Variants in GTF2A1 observed in about 807,000 individuals in gnomAD.
GTF2A1 encodes the protein transcription initiation factor IIA subunit 1.
A neutral mutation model predicts 54.1 loss-of-function variants in GTF2A1; 12 were observed. The ratio of observed to expected loss-of-function variants is 0.22; its 90% CI spans 0.14 to 0.36. GTF2A1 has a LOEUF of 0.36. GTF2A1 is among the 10% of genes least tolerant of loss of function. The pLI is 1.00. For missense variants in GTF2A1, 335 were observed against 442.2 expected, an observed-to-expected ratio of 0.76 and a Z score of 2.17; for synonymous variants, 145 against 152.0, an observed-to-expected ratio of 0.95 and a Z score of 0.34.
In GTF2A1 at chr14:81,220,932, A is replaced by ACCGCCG. The variant is rs3040313; in HGVS notation, c.-420_-415dup. On this transcript the variant is annotated 5_prime_UTR_variant, in exon 1 of 9. Coordinates refer to ENST00000553612, the MANE Select transcript of GTF2A1 (RefSeq NM_015859.4). ...GAGCCAACAAGCTGCGCGAGCCACCACCGCCGCCGCCGCCGCCGCCGAGAG... is the reference window on the plus strand; with the variant it reads ...GAGCCAACAAGCTGCGCGAGCCACCACCGCCGCCGCCGCCGCCGCCGCCGCCGAGAG... The ACCGCCG allele has an allele frequency of 1.7e-3, 279 of 164,424 alleles. 9 individuals are homozygous for ACCGCCG. Among genetic ancestry groups the ACCGCCG allele is most frequent in the South Asian group, 7.3e-3 (47 of 6,418 alleles). The allele number at this position is 164,424 out of a possible 1,614,324, so 10.2% of individuals were successfully genotyped here.
At chr14:81,220,396 G>C (rs1250729070) in intron 1 of GTF2A1, 93 bp downstream of exon 1, 7 of 824,802 alleles carry the variant, frequency 8.5e-6, no homozygotes, top group Admixed American at 2.9e-5. Context: ...GAAGAGTCGA[G>C]GCCGGGAGTC....
chr14:81,203,833 T>C, intron 3 of GTF2A1, 67 bp downstream of exon 3: 1 of 1,352,590 alleles, frequency 7.4e-7, no homozygotes, highest in South Asian at 1.2e-5. Flanking sequence ...ATGCAGAATA[T>C]TTCTCTTCTT....
rs543048166 is a variant in GTF2A1, at chr14:81,204,329, CTTTT to C, written c.133-229_133-226del. 4.3e-4 allele frequency: 287 copies of C among 669,462 alleles called. 1 individual carries two copies. The African/African-American group carries it at 4.4e-3, about 10-fold the overall frequency. 41.5% of individuals were successfully genotyped at this position (669,462 alleles called of 1,614,324 possible). A position where few individuals can be genotyped will look rare whatever the true frequency, so the allele number is the denominator to read the frequency against. ...CATCAGAGTACTGAAGATTTTGTTT[CTTTT>C]TTTTATCTTCCAATGAACTTTCTAT... On this transcript the variant is annotated intron_variant, in intron 2 of 8. Transcript: ENST00000553612.
intron 5 of GTF2A1, 63 bp downstream of exon 5, chr14:81,197,346 T>A: frequency 1.3e-6 from 1 of 790,232 alleles, no homozygotes; most frequent in East Asian, 2.8e-5. Context: ...AGACAAAACC[T>A]AAGGGCTAGA....
intron 7 of GTF2A1, among the ~76,000 whole-genome samples, chr14:81,185,889 A>T (rs1892733406): frequency 6.6e-6 from 1 of 152,204 alleles, no homozygotes; most frequent in South Asian, 2.1e-4. Flanking sequence ...TTTGAGACAC[A>T]GTCTCGCTCT....
Position 81,177,864 on chromosome 14 carries a change from A to C in GTF2A1, c.*2359T>G, listed in dbSNP as rs903113233. The C allele has an allele frequency of 1.3e-5, 2 of 152,192 alleles. No homozygotes were observed. The highest frequency in any genetic ancestry group is 2.9e-5 in the Non-Finnish European group (2 of 67,992). 9.4% of individuals were successfully genotyped at this position (152,192 alleles called of 1,614,324 possible). A position where few individuals can be genotyped will look rare whatever the true frequency, so the allele number is the denominator to read the frequency against. On this transcript the variant is annotated 3_prime_UTR_variant, in exon 9 of 9. Coordinates refer to ENST00000553612, the MANE Select transcript of GTF2A1 (RefSeq NM_015859.4). ...ACTAAAACATGCTATTTGATTAAAA[A>C]GGACACGATGCAAATAATATATAAG...
intron 7 of GTF2A1, among the ~76,000 whole-genome samples, chr14:81,185,961 T>C (rs1398299126): frequency 6.6e-6 from 1 of 152,234 alleles, no homozygotes; most frequent in Non-Finnish European, 1.5e-5. Flanking sequence ...CGAGCAATTC[T>C]CCTGCCTCAG....
intron 8 of GTF2A1, among the ~76,000 whole-genome samples, chr14:81,183,225 T>A (rs563320161): frequency 6.6e-6 from 1 of 152,262 alleles, no homozygotes; most frequent in South Asian, 2.1e-4. Context: ...CTGTTGCACA[T>A]GAAAAGAGCT....
Position 81,179,495 on chromosome 14 carries a change from G to A in GTF2A1, c.*728C>T, listed in dbSNP as rs556317140. On this transcript the variant is annotated 3_prime_UTR_variant, in exon 9 of 9. Coordinates refer to ENST00000553612, the MANE Select transcript of GTF2A1 (RefSeq NM_015859.4). ...GTTTTTCTGTAAGGAAATTAAAGTTGTGGTTTCAATTCCACTGAACTCAGA... is the reference window on the plus strand; with the variant it reads ...GTTTTTCTGTAAGGAAATTAAAGTTATGGTTTCAATTCCACTGAACTCAGA... 1 of 152,316 alleles carries A rather than the reference G, an allele frequency of 6.6e-6. No individual in the cohort carries two copies. The highest frequency in any genetic ancestry group is 2.1e-4 in the South Asian group (1 of 4,826). 9.4% of individuals were successfully genotyped at this position (152,316 alleles called of 1,614,324 possible).
At chr14:81,197,879 T>C (rs1005458903) in intron 4 of GTF2A1, among the ~76,000 whole-genome samples, 1 of 152,182 alleles carries the variant, frequency 6.6e-6, no homozygotes, top group Non-Finnish European at 1.5e-5. Flanking sequence ...GAAATGGCTA[T>C]TTCATTATTG....
intron 2 of GTF2A1, among the ~76,000 whole-genome samples, chr14:81,207,270 A>G (rs377059645): frequency 7.9e-5 from 12 of 152,164 alleles, no homozygotes; most frequent in East Asian, 7.8e-4. Flanking sequence ...TGTGGAAGGG[A>G]CATGTAATTG....
At chr14:81,211,900 T>TATATATATATATATATAC (rs1465112782) in intron 2 of GTF2A1, among the ~76,000 whole-genome samples, 3 of 126,862 alleles carry the variant, frequency 2.4e-5, no homozygotes, top group African/African-American at 8.5e-5. Context: ...TATATATATA[T>TATATATATATATATATAC]ATATATATAA....
In GTF2A1 at chr14:81,211,900, T is replaced by TATATATATATATATAC. The variant is rs1465112782; in HGVS notation, c.132+4512_132+4513insGTATATATATATATAT. Among the ~76,000 whole-genome samples the TATATATATATATATAC allele has an allele frequency of 2.0e-4, 25 of 126,860 alleles. 2 individuals carry two copies. The highest frequency in any genetic ancestry group is 6.8e-4 in the African/African-American group (24 of 35,450). The allele number at this position is 126,860 out of a possible 152,430, so 83.2% of individuals were successfully genotyped here. A position where few individuals can be genotyped will look rare whatever the true frequency, so the allele number is the denominator to read the frequency against. On this transcript the variant is annotated intron_variant, in intron 2 of 8. Coordinates refer to ENST00000553612, the MANE Select transcript of GTF2A1 (RefSeq NM_015859.4). ...TTATATATATATATATATATATATA[T>TATATATATATATATAC]ATATATATAACTAGAGTATATTTAG...
intron 2 of GTF2A1, among the ~76,000 whole-genome samples, chr14:81,213,781 TG>T (rs965358809): frequency 2.6e-5 from 4 of 152,158 alleles, no homozygotes; most frequent in African/African-American, 9.6e-5. Flanking sequence ...AATAAATATT[TG>T]CTCATCTGTT....
chr14:81,215,338 T>A (rs1893463939), intron 2 of GTF2A1, among the ~76,000 whole-genome samples: 1 of 152,230 alleles, frequency 6.6e-6, no homozygotes, highest in Admixed American at 6.5e-5. Context: ...GTCACTTTTC[T>A]CACAGAATAC....
chr14:81,213,846 GTTT>G (rs767098811), intron 2 of GTF2A1, among the ~76,000 whole-genome samples: 1 of 136,428 alleles, frequency 7.3e-6, no homozygotes. Context: ...GGGTTTTTCT[GTTT>G]TTTTTTTTTT....
At chr14:81,202,864 T>C (rs775002819) in intron 3 of GTF2A1, 20 of 473,802 alleles carry the variant, frequency 4.2e-5, no homozygotes, top group South Asian at 2.2e-4. Flanking sequence ...AATTATTTGA[T>C]ACAAAGTACA....
In GTF2A1 at chr14:81,206,293, T is replaced by A. The variant is rs1017833639; in HGVS notation, c.133-2189A>T. 5.9e-5 allele frequency among the ~76,000 whole-genome samples: 9 copies of A among 152,300 alleles called. No individual in the cohort carries two copies. The South Asian group carries it at 1.9e-3, about 32-fold the overall frequency. ...AACAGCCCACCATTATTGTCTATTC[T>A]GATTCAGTGTTCCAATGCATCTCTA... is the stretch of plus-strand genomic sequence containing the variant. On this transcript the variant is annotated intron_variant, in intron 2 of 8. Coordinates refer to ENST00000553612, the MANE Select transcript of GTF2A1 (RefSeq NM_015859.4).
chr14:81,204,507 A>C (rs1893187484), intron 2 of GTF2A1, among the ~76,000 whole-genome samples: 1 of 152,184 alleles, frequency 6.6e-6, no homozygotes, highest in Non-Finnish European at 1.5e-5. Flanking sequence ...GAAAATACAA[A>C]ATTTTCTGCA....
Sources: allele counts gnomAD v4.1 joint callset (sites outside exome capture counted in the v4.1 genomes callset), GRCh38; gene constraint gnomAD v4.1.1; transcripts MANE v1.5; gene names NCBI Gene and HGNC (gene_info 2026-07-23, HGNC 2026-07-21).